COL25A1: variants seen among roughly 807,000 people sequenced by gnomAD.
COL25A1 encodes the protein collagen type XXV alpha 1 chain.
Under a neutral mutation model 128.4 loss-of-function variants are expected in COL25A1, and 103 were observed. That is an observed-to-expected ratio of 0.80 (90% confidence interval 0.68 to 0.94). The LOEUF is 0.94. Ranked by LOEUF, COL25A1 falls within the 40% of genes least tolerant of loss-of-function variation. COL25A1 has a pLI of 0.00. For missense variants in COL25A1, 745 were observed against 840.0 expected (o/e 0.89, Z 1.40); for synonymous variants, 279 against 277.2 (o/e 1.01, Z -0.06).
At chr4:109,119,030 A>G (rs1374857171) in intron 3 of COL25A1, among the ~76,000 whole-genome samples, 1 of 151,926 alleles carries the variant, frequency 6.6e-6, no homozygotes, top group Non-Finnish European at 1.5e-5. Context: ...GGCAGATAAC[A>G]ATGGAATGAA....
chr4:109,066,657 C>T (rs866699859), intron 3 of COL25A1, among the ~76,000 whole-genome samples: 2 of 151,974 alleles, frequency 1.3e-5, no homozygotes, highest in South Asian at 2.1e-4. Flanking sequence ...AATCAAATTC[C>T]TTTCTTCCTT....
At chr4:109,096,170 A>C (rs1349856606) in intron 3 of COL25A1, among the ~76,000 whole-genome samples, 1 of 152,208 alleles carries the variant, frequency 6.6e-6, no homozygotes, top group Non-Finnish European at 1.5e-5. Flanking sequence ...GCCTGTAAAC[A>C]AACTTTGCCC....
chr4:108,855,660 TA>T (rs988200099), intron 24 of COL25A1, among the ~76,000 whole-genome samples: 9 of 152,088 alleles, frequency 5.9e-5, no homozygotes, highest in African/African-American at 2.2e-4. Context: ...AGCTGCAAAA[TA>T]AAAGAATATT....
intron 3 of COL25A1, among the ~76,000 whole-genome samples, chr4:109,189,317 A>T (rs1027125972): frequency 6.6e-6 from 1 of 151,970 alleles, no homozygotes; most frequent in Non-Finnish European, 1.5e-5. Context: ...GGAGCCCAAG[A>T]CAGGTTGATC....
intron 6 of COL25A1, among the ~76,000 whole-genome samples, chr4:108,990,222 AAAAAAAAAAAAAAAAAAATATATAT>A: frequency 1.5e-5 from 1 of 65,354 alleles, no homozygotes; most frequent in African/African-American, 5.7e-5. Flanking sequence ...CAAAAAAAAA[AAAAAAAAAAAAAAAAAAATATATAT>A]ATATATATAT....
At chr4:109,050,934 C>A (rs1204221218) in intron 3 of COL25A1, among the ~76,000 whole-genome samples, 1 of 149,656 alleles carries the variant, frequency 6.7e-6, no homozygotes, top group African/African-American at 2.5e-5. Context: ...TAGTATGTAT[C>A]AGACTTCGCA....
At chr4:108,856,188 G>C (rs1422002046) in intron 24 of COL25A1, among the ~76,000 whole-genome samples, 1 of 152,114 alleles carries the variant, frequency 6.6e-6, no homozygotes, top group African/African-American at 2.4e-5. Context: ...ATTCATACTA[G>C]AGAACAGGTT....
intron 3 of COL25A1, among the ~76,000 whole-genome samples, chr4:109,171,462 A>G (rs1773576951): frequency 6.6e-6 from 1 of 152,222 alleles, no homozygotes; most frequent in Non-Finnish European, 1.5e-5. Flanking sequence ...AAAACTAGCT[A>G]GCTAAGCAAT....
At position 108,918,204 on chromosome 4, in the gene COL25A1, C is replaced by A. The variant is rs771475787; in HGVS notation, c.748G>T (p.Ala250Ser). 2.5e-6 allele frequency: 4 copies of A among 1,598,534 alleles called. No individual in the cohort carries two copies. The highest frequency in any genetic ancestry group is 3.4e-6 in the Non-Finnish European group (4 of 1,169,842). Residue 250 changes from alanine to serine, a missense_variant, in exon 13 of 38, where the codon GCA (alanine) becomes TCA (serine). Transcript: ENST00000399132. ...CCATTCATCCCTGGAATTCCAGGTG[C>A]TCCAATAGAACCCTAAAGAGACACA... ...GPPGQKGSIG[A>S]PGIPGMNGQK...
At position 109,160,800 on chromosome 4, in the gene COL25A1, CTT is replaced by C. The variant is rs60261351; in HGVS notation, c.368-110623_368-110622del. On this transcript the variant is annotated intron_variant, in intron 3 of 37. Transcript: ENST00000399132. ...CTAAAAATTCTCATCAGGATTCACT[CTT>C]TTTTTAAACTCAAAAACTAAAGTTT... Among the ~76,000 whole-genome samples, 1,655 of 152,202 alleles carry C rather than the reference CTT, an allele frequency of 0.011. 60 individuals carry two copies. In the South Asian group the frequency reaches 0.13, roughly 12 times the overall value.
Position 109,045,211 on chromosome 4 carries a change from G to T in COL25A1, c.420+2957C>A, listed in dbSNP as rs377609964. ...TAAAATGTATATTAATTAACCATTT[G>T]TGTTATCAGTAAGGTTTTCTGTCAA... is the stretch of plus-strand genomic sequence containing the variant. On this transcript the variant is annotated intron_variant, in intron 5 of 37. Transcript: ENST00000399132. 1.5e-4 allele frequency among the ~76,000 whole-genome samples: 23 copies of T among 152,216 alleles called. No homozygotes were observed. In the South Asian group the frequency reaches 4.6e-3, roughly 30 times the overall value.
At chr4:109,140,066 C>A (rs1437453317) in intron 3 of COL25A1, among the ~76,000 whole-genome samples, 3 of 151,118 alleles carry the variant, frequency 2.0e-5, no homozygotes, top group Non-Finnish European at 3.0e-5. Flanking sequence ...TTAATCCAGT[C>A]TATCATTGTT....
chr4:109,254,420 CGTTCA>C (rs1356774738), intron 3 of COL25A1, among the ~76,000 whole-genome samples: 1 of 139,566 alleles, frequency 7.2e-6, no homozygotes, highest in Non-Finnish European at 1.5e-5. Context: ...CTGTGGCCTG[CGTTCA>C]CATAACAGCA....
intron 11 of COL25A1, among the ~76,000 whole-genome samples, chr4:108,924,282 T>C (rs1422633631): frequency 2.6e-5 from 4 of 152,150 alleles, no homozygotes; most frequent in South Asian, 2.1e-4. Flanking sequence ...TCAGAAAACA[T>C]CATGGAAAGT....
At chr4:108,984,675 C>T (rs965025304) in intron 6 of COL25A1, among the ~76,000 whole-genome samples, 1 of 152,226 alleles carries the variant, frequency 6.6e-6, no homozygotes, top group African/African-American at 2.4e-5. Context: ...CACGCCCACC[C>T]GGAACTCCCG....
At chr4:109,262,830 G>C (rs889373463) in intron 3 of COL25A1, among the ~76,000 whole-genome samples, 5 of 151,974 alleles carry the variant, frequency 3.3e-5, no homozygotes, top group Admixed American at 3.3e-4. Flanking sequence ...CTGGCAATTT[G>C]TCTATCAAAA....
At chr4:109,039,686 A>C (rs1285985201) in intron 5 of COL25A1, among the ~76,000 whole-genome samples, 1 of 152,218 alleles carries the variant, frequency 6.6e-6, no homozygotes, top group Non-Finnish European at 1.5e-5. Flanking sequence ...GACAAAAGTC[A>C]CGTCTTATTT....
chr4:109,023,788 GAAACAAACCATACAGTC>G (rs1406160651), intron 5 of COL25A1, among the ~76,000 whole-genome samples: 2 of 152,020 alleles, frequency 1.3e-5, no homozygotes, highest in Non-Finnish European at 2.9e-5. Context: ...ATGAAAAGAA[GAAACAAACCATACAGTC>G]AAAACTTGCT....
chr4:108,823,979 C>A lies in COL25A1; in HGVS notation c.1845+195G>T, dbSNP rs532374446. 54 of 1,519,346 alleles carry A rather than the reference C, an allele frequency of 3.6e-5. No individual in the cohort carries two copies. In the Middle Eastern group the frequency reaches 2.1e-3, roughly 60 times the overall value. The allele number at this position is 1,519,346 out of a possible 1,614,324, so 94.1% of individuals were successfully genotyped here. On this transcript the variant is annotated intron_variant, in intron 35 of 37. Transcript: ENST00000399132. Reference sequence around the variant, plus strand: ...TAATAATTTTTTCTTCTATGCCAGGCAGTGCCCTTATATCTGGCAGTACAG... The same window carrying A: ...TAATAATTTTTTCTTCTATGCCAGGAAGTGCCCTTATATCTGGCAGTACAG...
Sources: allele counts gnomAD v4.1 joint callset (sites outside exome capture counted in the v4.1 genomes callset), GRCh38; gene constraint gnomAD v4.1.1; transcripts MANE v1.5; gene names NCBI Gene and HGNC (gene_info 2026-07-23, HGNC 2026-07-21).